PTPRG: variants seen among roughly 807,000 people sequenced by gnomAD.
PTPRG encodes receptor-type tyrosine-protein phosphatase gamma.
In PTPRG, 102 loss-of-function variants were observed where a neutral mutation model predicts 165.3. The ratio of observed to expected loss-of-function variants is 0.62; its 90% confidence interval spans 0.53 to 0.73. The LOEUF (loss-of-function observed/expected upper bound fraction) is 0.73, where lower values mean the gene tolerates loss of function less well. Ranked by LOEUF, PTPRG falls within the 30% of genes least tolerant of loss-of-function variation. The pLI, the probability that PTPRG is intolerant of heterozygous loss-of-function variation, is 0.00. For synonymous variants in PTPRG, 675 were observed against 669.5 expected (o/e 1.01, Z -0.13); for missense variants, 1,866 against 1,861.4 (o/e 1.00, Z -0.05).
At chr3:61,604,277 T>C (rs918661100) in intron 1 of PTPRG, among the ~76,000 whole-genome samples, 2 of 152,166 alleles carry the variant, frequency 1.3e-5, no homozygotes, top group Non-Finnish European at 2.9e-5. Flanking sequence ...TGAGCAGAGA[T>C]TGCACCACTG....
chr3:61,744,087 CTG>C (rs1189327659), intron 1 of PTPRG, among the ~76,000 whole-genome samples: 2 of 152,158 alleles, frequency 1.3e-5, no homozygotes, highest in Non-Finnish European at 2.9e-5. Context: ...TGTGCTGACT[CTG>C]TATCTTTACT....
chr3:62,131,939 A>T (rs1277309378), intron 5 of PTPRG, among the ~76,000 whole-genome samples: 1 of 152,212 alleles, frequency 6.6e-6, no homozygotes, highest in Non-Finnish European at 1.5e-5. Flanking sequence ...AATCTTCTAG[A>T]ATGGGCAAGA....
intron 12 of PTPRG, 98 bp from the exon 13 acceptor site, chr3:62,218,753 G>T (rs182133521): frequency 2.8e-6 from 4 of 1,452,164 alleles, no homozygotes; most frequent in South Asian, 1.4e-5. Context: ...GGCCCAGTTC[G>T]CCAGAAACCA....
At chr3:61,969,726 A>G (rs2040343313) in intron 2 of PTPRG, among the ~76,000 whole-genome samples, 1 of 152,098 alleles carries the variant, frequency 6.6e-6, no homozygotes, top group Non-Finnish European at 1.5e-5. Flanking sequence ...GGACTAAAAC[A>G]TTTGGCACCT....
chr3:61,767,239 T>TGAAAAAAA lies in PTPRG; in HGVS notation c.190+18257_190+18258insGAAAAAAA, dbSNP rs1371380259. Among the ~76,000 whole-genome samples the TGAAAAAAA allele has an allele frequency of 5.6e-3, 409 of 73,038 alleles. 132 individuals are homozygous for TGAAAAAAA. Among genetic ancestry groups the TGAAAAAAA allele is most frequent in the Middle Eastern group, 0.018 (2 of 112 alleles). 47.9% of individuals were successfully genotyped at this position (73,038 alleles called of 152,430 possible). A position where few individuals can be genotyped will look rare whatever the true frequency, so the allele number is the denominator to read the frequency against. On this transcript the variant is annotated intron_variant, in intron 2 of 29. Coordinates refer to ENST00000474889, the MANE Select transcript of PTPRG (RefSeq NM_002841.4). ...AGCCTTGTGACAGCAAGATTCCATCTCAAAAAAAAAAAAAAAAAGAAAGTA... is the reference window on the plus strand; with the variant it reads ...AGCCTTGTGACAGCAAGATTCCATCTGAAAAAAACAAAAAAAAAAAAAAAAAGAAAGTA...
chr3:61,647,571 A>G (rs1305183087), intron 1 of PTPRG, among the ~76,000 whole-genome samples: 1 of 152,082 alleles, frequency 6.6e-6, no homozygotes, highest in Non-Finnish European at 1.5e-5. Flanking sequence ...CGGGCGGATC[A>G]CGAAGTCAGG....
intron 4 of PTPRG, among the ~76,000 whole-genome samples, chr3:62,040,028 T>C (rs1232356803): frequency 6.6e-6 from 1 of 152,226 alleles, no homozygotes; most frequent in East Asian, 1.9e-4. Context: ...TTTTTATAGG[T>C]AGTTACTTTT....
intron 1 of PTPRG, among the ~76,000 whole-genome samples, chr3:61,744,207 G>T (rs1436378630): frequency 6.6e-6 from 1 of 152,102 alleles, no homozygotes. Flanking sequence ...TCAAATAATA[G>T]TTTTAAAAGT....
chr3:62,150,085 G>T, intron 6 of PTPRG, among the ~76,000 whole-genome samples: 1 of 152,168 alleles, frequency 6.6e-6, no homozygotes, highest in East Asian at 1.9e-4. Context: ...TCCTGCCCTT[G>T]AAATTGCTGT....
intron 1 of PTPRG, among the ~76,000 whole-genome samples, chr3:61,741,035 A>G (rs2032962204): frequency 6.6e-6 from 1 of 152,188 alleles, no homozygotes; most frequent in Non-Finnish European, 1.5e-5. Flanking sequence ...TGAGAGGTTG[A>G]TCAGAATATT....
At chr3:61,907,154 T>A (rs1021932361) in intron 2 of PTPRG, among the ~76,000 whole-genome samples, 7 of 151,980 alleles carry the variant, frequency 4.6e-5, no homozygotes, top group Non-Finnish European at 7.4e-5. Flanking sequence ...CTTTTTTTTT[T>A]ATATAAATGG....
At position 61,696,197 on chromosome 3, in the gene PTPRG, T is replaced by C. The variant is rs76808527; in HGVS notation, c.86-52681T>C. 1.1e-3 allele frequency among the ~76,000 whole-genome samples: 171 copies of C among 152,204 alleles called. 1 individual carries two copies. The highest frequency in any genetic ancestry group is 3.9e-3 in the African/African-American group (164 of 41,536). Reference sequence around the variant, plus strand: ...GTTGTTGCAAATTGATACGAGTACATATCTATTAAAAAATTCTAGCCAGGC... The same window carrying C: ...GTTGTTGCAAATTGATACGAGTACACATCTATTAAAAAATTCTAGCCAGGC... On this transcript the variant is annotated intron_variant, in intron 1 of 29. Transcript: ENST00000474889.
intron 1 of PTPRG, among the ~76,000 whole-genome samples, chr3:61,693,795 C>T (rs2030375569): frequency 6.6e-6 from 1 of 152,014 alleles, no homozygotes; most frequent in Non-Finnish European, 1.5e-5. Context: ...TGCCTGAGCT[C>T]AGGAGTTCGA....
chr3:62,154,996 C>G (rs1704481213), intron 6 of PTPRG, among the ~76,000 whole-genome samples: 2 of 152,314 alleles, frequency 1.3e-5, no homozygotes, highest in East Asian at 3.9e-4. Flanking sequence ...CGGGCCAAAC[C>G]AGTCCCCGCC....
At chr3:61,697,098 C>A (rs972602026) in intron 1 of PTPRG, among the ~76,000 whole-genome samples, 2 of 152,140 alleles carry the variant, frequency 1.3e-5, no homozygotes, top group Admixed American at 6.5e-5. Context: ...CCCTTCTCCC[C>A]TGAGGCAGGT....
Position 61,694,028 on chromosome 3 carries a change from A to G in PTPRG, c.86-54850A>G, listed in dbSNP as rs1444881106. Among the ~76,000 whole-genome samples the G allele has an allele frequency of 3.5e-5, 4 of 115,132 alleles. No homozygotes were observed. In the East Asian group the frequency reaches 8.9e-4, roughly 26 times the overall value. 75.5% of individuals were successfully genotyped at this position (115,132 alleles called of 152,430 possible). A position where few individuals can be genotyped will look rare whatever the true frequency, so the allele number is the denominator to read the frequency against. On this transcript the variant is annotated intron_variant, in intron 1 of 29. Transcript: ENST00000474889. ...ATCTCCAAAAAAAAAAAAAAAAAAG[A>G]GAGAGAGAGAGAGAGGGAAGCAAGG...
intron 1 of PTPRG, among the ~76,000 whole-genome samples, chr3:61,710,134 A>G (rs1450878340): frequency 6.6e-6 from 1 of 152,200 alleles, no homozygotes; most frequent in Non-Finnish European, 1.5e-5. Context: ...ATCATGCACT[A>G]AGCACGGAAA....
chr3:62,205,523 G>A (rs577592738), intron 12 of PTPRG, among the ~76,000 whole-genome samples: 47 of 152,268 alleles, frequency 3.1e-4, no homozygotes, highest in Non-Finnish European at 3.8e-4. Context: ...TACAGTTGGG[G>A]AGCGGAGGGA....
chr3:61,575,205 C>A (rs764864839), intron 1 of PTPRG, among the ~76,000 whole-genome samples: 1 of 152,176 alleles, frequency 6.6e-6, no homozygotes, highest in Non-Finnish European at 1.5e-5. Context: ...GAAATTTCTG[C>A]TGCTCCTTAT....
Sources: allele counts gnomAD v4.1 joint callset (sites outside exome capture counted in the v4.1 genomes callset), GRCh38; gene constraint gnomAD v4.1.1; transcripts MANE v1.5; gene names NCBI Gene and HGNC (gene_info 2026-07-23, HGNC 2026-07-21).